CSGALNACT1: variants seen among roughly 807,000 people sequenced by gnomAD.
The protein encoded by CSGALNACT1 is chondroitin sulfate N-acetylgalactosaminyltransferase 1.
A neutral mutation model predicts 51.0 loss-of-function variants in CSGALNACT1; 52 were observed. The observed-to-expected ratio is 1.02, with a 90% CI of 0.82 to 1.29. The LOEUF is 1.29. CSGALNACT1 is among the 50% of genes most tolerant of loss of function. The pLI is 0.00. For synonymous variants in CSGALNACT1, 341 were observed against 254.4 expected (o/e 1.34, Z -3.24); for missense variants, 935 against 679.2 (o/e 1.38, Z -4.19).
chr8:19,556,024 A>G (rs532826272), intron 3 of CSGALNACT1, among the ~76,000 whole-genome samples: 2 of 152,306 alleles, frequency 1.3e-5, no homozygotes, highest in African/African-American at 2.4e-5. Context: ...GATAAGAACG[A>G]TAACACTGAA....
intron 1 of CSGALNACT1, among the ~76,000 whole-genome samples, chr8:19,623,303 T>C (rs1257998098): frequency 6.6e-6 from 1 of 152,182 alleles, no homozygotes; most frequent in Admixed American, 6.5e-5. Context: ...TAATAATCCT[T>C]AATCATAGAT....
At chr8:19,472,629 A>G (rs1026372122) in intron 4 of CSGALNACT1, among the ~76,000 whole-genome samples, 5 of 152,270 alleles carry the variant, frequency 3.3e-5, no homozygotes, top group African/African-American at 1.2e-4. Flanking sequence ...GTCAAAGTAC[A>G]GCTCTTTCAA....
At chr8:19,608,830 G>C (rs2051773201) in intron 1 of CSGALNACT1, among the ~76,000 whole-genome samples, 1 of 152,156 alleles carries the variant, frequency 6.6e-6, no homozygotes, top group South Asian at 2.1e-4. Context: ...CACCAAACTA[G>C]AACAGGCATT....
intron 1 of CSGALNACT1, among the ~76,000 whole-genome samples, chr8:19,694,441 T>C (rs1286847806): frequency 6.6e-6 from 1 of 152,258 alleles, no homozygotes; most frequent in African/African-American, 2.4e-5. Context: ...ATTCCTTTAA[T>C]TAATTTTTCA....
chr8:19,551,973 G>C (rs1215722861), intron 3 of CSGALNACT1, among the ~76,000 whole-genome samples: 1 of 152,106 alleles, frequency 6.6e-6, no homozygotes, highest in African/African-American at 2.4e-5. Context: ...CTCTAAAATA[G>C]GGTATCATTC....
chr8:19,419,670 C>G (rs1054443882), intron 7 of CSGALNACT1, among the ~76,000 whole-genome samples: 1 of 152,266 alleles, frequency 6.6e-6, no homozygotes, highest in South Asian at 2.1e-4. Context: ...TTTCCAGCTC[C>G]ACCTCCTCCC....
Position 19,626,268 on chromosome 8 carries a change from G to A in CSGALNACT1, c.-543-24403C>T, listed in dbSNP as rs114088584. On this transcript the variant is annotated intron_variant, in intron 1 of 9. Transcript: ENST00000332246. ...TTACAGAACCCAGAAATAGCTTTAC[G>A]TAAGAATGGCCAGCACATTTATTTT... is the stretch of plus-strand genomic sequence containing the variant. Among the ~76,000 whole-genome samples the A allele has an allele frequency of 9.0e-3, 1,371 of 152,190 alleles. 22 individuals are homozygous for A. Among genetic ancestry groups the A allele is most frequent in the African/African-American group, 0.031 (1,275 of 41,530 alleles).
chr8:19,560,901 G>A (rs1459879733), intron 3 of CSGALNACT1, among the ~76,000 whole-genome samples: 1 of 152,110 alleles, frequency 6.6e-6, no homozygotes, highest in African/African-American at 2.4e-5. Flanking sequence ...ACAACCCTAA[G>A]GTGGATAAAC....
At chr8:19,709,117 G>C (rs2154229648) in intron 1 of CSGALNACT1, among the ~76,000 whole-genome samples, 1 of 152,274 alleles carries the variant, frequency 6.6e-6, no homozygotes, top group East Asian at 1.9e-4. Flanking sequence ...CAGGAAACAG[G>C]AACAGGGCTG....
chr8:19,634,119 A>G (rs1281670495), intron 1 of CSGALNACT1, among the ~76,000 whole-genome samples: 1 of 152,214 alleles, frequency 6.6e-6, no homozygotes, highest in Admixed American at 6.5e-5. Context: ...ATTTTACCTA[A>G]AAGTTAAGTA....
At chr8:19,739,731 C>T (rs955854897) in intron 1 of CSGALNACT1, among the ~76,000 whole-genome samples, 3 of 152,150 alleles carry the variant, frequency 2.0e-5, no homozygotes, top group African/African-American at 4.8e-5. Flanking sequence ...GCCATGAGCA[C>T]GAGGAATCTA....
intron 2 of CSGALNACT1, among the ~76,000 whole-genome samples, chr8:19,600,869 G>A (rs2050266415): frequency 6.7e-6 from 1 of 149,700 alleles, no homozygotes; most frequent in African/African-American, 2.5e-5. Flanking sequence ...AACCTCTATA[G>A]ACATTTGTTA....
intron 3 of CSGALNACT1, among the ~76,000 whole-genome samples, chr8:19,540,342 T>A (rs183810811): frequency 6.6e-6 from 1 of 152,188 alleles, no homozygotes; most frequent in African/African-American, 2.4e-5. Flanking sequence ...TATTCTTTAG[T>A]GTTACCTGGG....
exon 5 of CSGALNACT1, chr8:19,458,515 T>C (rs1360440150): frequency 1.2e-6 from 2 of 1,614,066 alleles, no homozygotes; most frequent in Admixed American, 1.7e-5. Flanking sequence ...TGTTGAGCTT[T>C]TCATTTTTCA....
chr8:19,646,536 C>T (rs752995991), intron 1 of CSGALNACT1, among the ~76,000 whole-genome samples: 24 of 152,246 alleles, frequency 1.6e-4, no homozygotes, highest in South Asian at 1.0e-3. Context: ...TAGTGTCCAA[C>T]GGATGTGACA....
At chr8:19,581,728 CA>C (rs1407628439) in intron 3 of CSGALNACT1, among the ~76,000 whole-genome samples, 3 of 152,182 alleles carry the variant, frequency 2.0e-5, no homozygotes, top group Admixed American at 6.5e-5. Flanking sequence ...AGAGTATCAG[CA>C]ACATATTAAT....
chr8:19,440,507 A>C (rs1228196795), intron 5 of CSGALNACT1, among the ~76,000 whole-genome samples: 1 of 151,926 alleles, frequency 6.6e-6, no homozygotes, highest in Non-Finnish European at 1.5e-5. Context: ...GCCTTTGACA[A>C]AATTCAACAA....
chr8:19,697,878 G>C (rs958842439), intron 1 of CSGALNACT1, among the ~76,000 whole-genome samples: 11 of 152,166 alleles, frequency 7.2e-5, no homozygotes. Context: ...AAGAGGGTGA[G>C]AAATACGACT....
chr8:19,738,292 C>T (rs1361319238), intron 1 of CSGALNACT1, among the ~76,000 whole-genome samples: 5 of 152,276 alleles, frequency 3.3e-5, no homozygotes, highest in Non-Finnish European at 7.3e-5. Flanking sequence ...TATTATTCTG[C>T]TTTAAAAAGA....
Sources: gnomAD v4.1 joint callset for allele counts (sites outside exome capture counted in the v4.1 genomes callset) on GRCh38, gnomAD v4.1.1 for gene constraint, MANE v1.5 for transcripts, NCBI Gene and HGNC (gene_info 2026-07-23, HGNC 2026-07-21) for gene names.